The following DNAH7 variants were observed in gnomAD, a reference collection of about 807,000 sequenced individuals.
DNAH7 encodes dynein axonemal heavy chain 7.
DNAH7 carries 397 observed loss-of-function variants against 444.6 expected under a neutral mutation model. The ratio of observed to expected loss-of-function variants is 0.89; its 90% confidence interval spans 0.82 to 0.97. DNAH7 has a LOEUF of 0.97. Ranked by LOEUF, DNAH7 falls within the 50% of genes least tolerant of loss-of-function variation. The pLI, the probability that DNAH7 is intolerant of heterozygous loss-of-function variation, is 0.00. For missense variants in DNAH7, 4,902 were observed against 4,800.8 expected, an observed-to-expected ratio of 1.02 and a Z score of -0.62; for synonymous variants, 1,636 against 1,624.4, an observed-to-expected ratio of 1.01 and a Z score of -0.17.
chr2:196,025,797 T>A (rs551027337), intron 7 of DNAH7, among the ~76,000 whole-genome samples: 1 of 152,280 alleles, frequency 6.6e-6, no homozygotes, highest in Admixed American at 6.5e-5. Context: ...GGATACTCCA[T>A]AGAAGTCATA....
chr2:195,887,687 T>A (rs911417253), intron 33 of DNAH7, among the ~76,000 whole-genome samples: 3 of 152,162 alleles, frequency 2.0e-5, no homozygotes, highest in Non-Finnish European at 4.4e-5. Context: ...TTGGTCAGCA[T>A]CTCCCAAAGC....
At chr2:195,750,025 A>T (rs568896263) in intron 63 of DNAH7, among the ~76,000 whole-genome samples, 4 of 152,170 alleles carry the variant, frequency 2.6e-5, no homozygotes, top group South Asian at 4.1e-4. Flanking sequence ...ATAAATAAAT[A>T]AATTAAGCCT....
At chr2:195,952,302 T>C (rs188611834) in intron 19 of DNAH7, among the ~76,000 whole-genome samples, 1 of 152,330 alleles carries the variant, frequency 6.6e-6, no homozygotes, top group Admixed American at 6.5e-5. Flanking sequence ...AGAGATCTGC[T>C]GTTAGTTCAA....
At chr2:195,814,954 C>T (rs1169732610) in intron 51 of DNAH7, among the ~76,000 whole-genome samples, 1 of 151,940 alleles carries the variant, frequency 6.6e-6, no homozygotes, top group Non-Finnish European at 1.5e-5. Context: ...GTTGTCCAGG[C>T]TGGTCTCAAA....
intron 40 of DNAH7, among the ~76,000 whole-genome samples, chr2:195,865,659 T>A (rs994395235): frequency 6.6e-6 from 1 of 152,170 alleles, no homozygotes; most frequent in African/African-American, 2.4e-5. Context: ...GCAACTGTTT[T>A]CTTAAAGAAG....
intron 22 of DNAH7, among the ~76,000 whole-genome samples, chr2:195,926,122 T>A (rs1247752526): frequency 6.6e-6 from 1 of 152,168 alleles, no homozygotes; most frequent in Non-Finnish European, 1.5e-5. Flanking sequence ...TTCTTAGTCC[T>A]ATTATCACTC....
rs774844697 is a variant in DNAH7, at chr2:195,858,645, T to C, written c.7896A>G (p.Lys2632=). ...EVDEMMIMIE[K]ESVEVAKTEK... ...CAGTTTTGGCAACTTCTACAGACTC[T>C]TTCTCAATCATTATCATCATTTCAT... is the stretch of plus-strand genomic sequence containing the variant. Residue 2632 remains lysine, a synonymous_variant, in exon 43 of 65, where the codon AAA becomes AAG. Coordinates refer to ENST00000312428, the MANE Select transcript of DNAH7 (RefSeq NM_018897.3). 5 of 1,613,986 alleles carry C rather than the reference T, an allele frequency of 3.1e-6. No homozygotes were observed. The highest frequency in any genetic ancestry group is 3.4e-6 in the Non-Finnish European group (4 of 1,179,960).
chr2:195,856,003 A>G lies in DNAH7; in HGVS notation c.8415-12T>C, dbSNP rs1356645195. 6.3e-7 allele frequency: 1 copy of G among 1,599,230 alleles called. No homozygotes were observed. The highest frequency in any genetic ancestry group is 8.5e-7 in the Non-Finnish European group (1 of 1,173,984). On this transcript the variant is annotated splice_polypyrimidine_tract_variant and intron_variant, in intron 44 of 64. Coordinates refer to ENST00000312428, the MANE Select transcript of DNAH7 (RefSeq NM_018897.3). ...CTATTTTTGCCACTCTGCAAAAAGTAAAATTGAAAAATTAAATATTCATTT... is the reference window on the plus strand; with the variant it reads ...CTATTTTTGCCACTCTGCAAAAAGTGAAATTGAAAAATTAAATATTCATTT...
chr2:195,894,928 T>C, intron 30 of DNAH7, 48 bp downstream of exon 30: 4 of 1,513,156 alleles, frequency 2.6e-6, no homozygotes, highest in Middle Eastern at 2.0e-4. Context: ...CATTCTACCT[T>C]GCACAAAGTC....
At position 195,855,710 on chromosome 2, in the gene DNAH7, C is replaced by T. The variant is rs534018537; in HGVS notation, c.8595+101G>A. 6.0e-6 allele frequency: 8 copies of T among 1,328,956 alleles called. No individual in the cohort carries two copies. In the African/African-American group the frequency reaches 1.0e-4, roughly 17 times the overall value. 82.3% of individuals were successfully genotyped at this position (1,328,956 alleles called of 1,614,324 possible). On this transcript the variant is annotated intron_variant, in intron 45 of 64. Coordinates refer to ENST00000312428, the MANE Select transcript of DNAH7 (RefSeq NM_018897.3). Reference sequence around the variant, plus strand: ...CGGGTCATAGTTTGCCAATCCCTGACCAGGAAGGAAACAGGACTGGTGTGT... The same window carrying T: ...CGGGTCATAGTTTGCCAATCCCTGATCAGGAAGGAAACAGGACTGGTGTGT...
intron 24 of DNAH7, among the ~76,000 whole-genome samples, chr2:195,913,503 T>C (rs1404225318): frequency 1.3e-5 from 2 of 152,184 alleles, no homozygotes; most frequent in African/African-American, 4.8e-5. Context: ...AATAAAATGT[T>C]AAACTTGGAG....
chr2:195,852,065 T>C (rs952194866), intron 46 of DNAH7, among the ~76,000 whole-genome samples: 2 of 152,152 alleles, frequency 1.3e-5, no homozygotes, highest in Non-Finnish European at 2.9e-5. Flanking sequence ...GAGACCATCC[T>C]GGCTAACATG....
chr2:196,067,701 G>A (rs1014929702), intron 1 of DNAH7, among the ~76,000 whole-genome samples: 5 of 152,096 alleles, frequency 3.3e-5, no homozygotes, highest in African/African-American at 9.7e-5. Context: ...GACTAAATCC[G>A]TTTTAATACT....
rs149947005 is a variant in DNAH7 at position 196,047,342 on chromosome 2, T to G, written c.398+10A>C. 1 of 1,567,428 alleles carries G rather than the reference T, an allele frequency of 6.4e-7. No individual in the cohort carries two copies. The highest frequency in any genetic ancestry group is 8.7e-7 in the Non-Finnish European group (1 of 1,154,634). On this transcript the variant is annotated intron_variant, in intron 5 of 64. Transcript: ENST00000312428. Reference sequence around the variant, plus strand: ...TGGGTAACACGTAATGGTTAGCCTATACAACTTACATAATGACATTAACAA... The same window carrying G: ...TGGGTAACACGTAATGGTTAGCCTAGACAACTTACATAATGACATTAACAA...
intron 28 of DNAH7, among the ~76,000 whole-genome samples, chr2:195,899,250 T>C (rs1686543535): frequency 6.6e-6 from 1 of 152,240 alleles, no homozygotes; most frequent in African/African-American, 2.4e-5. Context: ...CTTGCTATAA[T>C]AGAAACAAGC....
intron 5 of DNAH7, among the ~76,000 whole-genome samples, chr2:196,033,656 G>GTATA (rs925708928): frequency 5.9e-5 from 9 of 152,102 alleles, no homozygotes; most frequent in African/African-American, 2.2e-4. Context: ...ATTCCATTGT[G>GTATA]TATATATACC....
rs1045521666 is a variant in DNAH7, at chr2:195,855,896, G to A, written c.8510C>T (p.Ala2837Val). The A allele has an allele frequency of 3.1e-6, 5 of 1,613,950 alleles. No homozygotes were observed. The highest frequency in any genetic ancestry group is 4.2e-6 in the Non-Finnish European group (5 of 1,179,926). The change falls in exon 45 of 65, where the codon GCC becomes GTC. Residue 2837 changes from alanine to valine, a missense_variant. Transcript: ENST00000312428. ...AMDGLRKKQA[A>V]LKEVQDKLAR... ...CAGCTTGTCCTGAACTTCCTTAAGG[G>A]CTGCCTGCTTCTTTCTAAGACCATC...
rs1481707902 is a variant in DNAH7 at position 195,924,605 on chromosome 2, A to AG, written c.3613-799_3613-798insC. ...CGAGACTCCATCACAAAAAAAAAAA[A>AG]AGAGAGAGAGAGAGCAAGAGAGAGG... On this transcript the variant is annotated intron_variant, in intron 22 of 64. Coordinates refer to ENST00000312428, the MANE Select transcript of DNAH7 (RefSeq NM_018897.3). 4.0e-5 allele frequency among the ~76,000 whole-genome samples: 6 copies of AG among 151,246 alleles called. No individual in the cohort carries two copies. In the East Asian group the frequency reaches 5.8e-4, roughly 15 times the overall value.
At chr2:195,873,547 A>G in intron 39 of DNAH7, 21 bp downstream of exon 39, 4 of 1,289,622 alleles carry the variant, frequency 3.1e-6, no homozygotes, top group Non-Finnish European at 4.1e-6. Flanking sequence ...ATTAAAAAAA[A>G]AACAAATTTT....
Sources: allele counts gnomAD v4.1 joint callset (sites outside exome capture counted in the v4.1 genomes callset), GRCh38; gene constraint gnomAD v4.1.1; transcripts MANE v1.5; gene names NCBI Gene and HGNC (gene_info 2026-07-23, HGNC 2026-07-21).